The following SLC18A2 variants were observed in gnomAD, a reference collection of about 807,000 sequenced individuals.
The protein encoded by SLC18A2 is synaptic vesicular amine transporter.
SLC18A2 carries 33 observed loss-of-function variants against 59.2 expected under a neutral mutation model. The ratio of observed to expected loss-of-function variants is 0.56; its 90% CI spans 0.42 to 0.75. The LOEUF (loss-of-function observed/expected upper bound fraction) is 0.75. SLC18A2 is among the 30% of genes least tolerant of loss of function. SLC18A2 has a pLI of 0.00. For synonymous variants in SLC18A2, 228 were observed against 253.5 expected, an observed-to-expected ratio of 0.90 and a Z score of 0.95; for missense variants, 569 against 668.6, an observed-to-expected ratio of 0.85 and a Z score of 1.64.
At chr10:117,242,640 C>T (rs921748393) in intron 2 of SLC18A2, among the ~76,000 whole-genome samples, 2 of 152,204 alleles carry the variant, frequency 1.3e-5, no homozygotes, top group East Asian at 3.9e-4. Flanking sequence ...AGTTCTGCTT[C>T]GGCTCGAATG....
intron 4 of SLC18A2, 25 bp from the exon 5 acceptor site, chr10:117,254,023 G>T (rs376641753): frequency 6.2e-7 from 1 of 1,608,474 alleles, no homozygotes; most frequent in South Asian, 1.1e-5. Flanking sequence ...ACTGATGTGC[G>T]GTCTTGGACC....
At chr10:117,257,915 C>G in intron 10 of SLC18A2, 23 bp downstream of exon 10, 3 of 1,533,174 alleles carry the variant, frequency 2.0e-6, no homozygotes, top group Non-Finnish European at 2.7e-6. Context: ...GTGGGCTCTT[C>G]TGATTCAAGA....
At chr10:117,253,843 C>G (rs1844193287) in intron 4 of SLC18A2, among the ~76,000 whole-genome samples, 1 of 152,038 alleles carries the variant, frequency 6.6e-6, no homozygotes, top group Non-Finnish European at 1.5e-5. Flanking sequence ...AAGACTCCAT[C>G]TCAAAAAAAA....
At chr10:117,273,436 T>A (rs1475941402) in intron 15 of SLC18A2, among the ~76,000 whole-genome samples, 1 of 152,230 alleles carries the variant, frequency 6.6e-6, no homozygotes, top group Admixed American at 6.5e-5. Flanking sequence ...AATTTTACTC[T>A]TGAAGTTTCT....
intron 3 of SLC18A2, among the ~76,000 whole-genome samples, chr10:117,249,898 G>A (rs1313816952): frequency 1.3e-5 from 2 of 152,174 alleles, no homozygotes; most frequent in African/African-American, 2.4e-5. Context: ...TATGACATTT[G>A]GCTAAAGGTT....
In SLC18A2 at chr10:117,264,595, C is replaced by G. The variant is rs148762818; in HGVS notation, c.992-2138C>G. Reference sequence around the variant, plus strand: ...CTGCCTTCTAGATGGAGTCTGGGCCCTCTGGGTCACCACAGATCTCTCTTT... The same window carrying G: ...CTGCCTTCTAGATGGAGTCTGGGCCGTCTGGGTCACCACAGATCTCTCTTT... On this transcript the variant is annotated intron_variant, in intron 10 of 15. Transcript: ENST00000644641. Among the ~76,000 whole-genome samples the G allele has an allele frequency of 1.8e-3, 278 of 152,300 alleles. 5 individuals carry two copies. The highest frequency in any genetic ancestry group is 6.2e-3 in the African/African-American group (257 of 41,580).
Position 117,276,347 on chromosome 10 carries a change from C to T in SLC18A2, c.1441-815C>T, listed in dbSNP as rs572130258. Among the ~76,000 whole-genome samples the T allele has an allele frequency of 1.8e-4, 28 of 151,826 alleles. No homozygotes were observed. In the East Asian group the frequency reaches 1.9e-3, roughly 11 times the overall value. The stretch of plus-strand genomic sequence containing the variant: ...TCAGAACTGGCTGGGTGCAGTGGCT[C>T]GTGTCTATAGTCACAGCACTTTGGG... On this transcript the variant is annotated intron_variant, in intron 15 of 15. Coordinates refer to ENST00000644641, the MANE Select transcript of SLC18A2 (RefSeq NM_003054.6).
intron 14 of SLC18A2, 32 bp from the exon 15 acceptor site, chr10:117,270,298 A>G: frequency 6.2e-7 from 1 of 1,613,392 alleles, no homozygotes; most frequent in Non-Finnish European, 8.5e-7. Context: ...GACATTTGGA[A>G]GAGCTTTATC....
chr10:117,241,863 C>G, intron 2 of SLC18A2, 49 bp downstream of exon 2: 1 of 1,543,032 alleles, frequency 6.5e-7, no homozygotes, highest in Non-Finnish European at 8.8e-7. Context: ...CCCCAGCGCC[C>G]CTTCCCCGGC....
At chr10:117,259,537 G>A (rs1251744104) in intron 10 of SLC18A2, among the ~76,000 whole-genome samples, 2 of 152,144 alleles carry the variant, frequency 1.3e-5, no homozygotes, top group African/African-American at 2.4e-5. Context: ...GAGAGTGTGC[G>A]TGGCAGGTAA....
intron 3 of SLC18A2, among the ~76,000 whole-genome samples, chr10:117,251,990 GC>G (rs1844166680): frequency 6.6e-6 from 1 of 151,848 alleles, no homozygotes; most frequent in Non-Finnish European, 1.5e-5. Flanking sequence ...ACAGAATCTC[GC>G]TCTGTCACCC....
Position 117,279,262 on chromosome 10 carries a change from T to C in SLC18A2, c.*1996T>C, listed in dbSNP as rs1844545029. 6.6e-6 allele frequency: 1 copy of C among 152,192 alleles called. No homozygotes were observed. The highest frequency in any genetic ancestry group is 2.1e-4 in the South Asian group (1 of 4,832). The allele number at this position is 152,192 out of a possible 1,614,324, so 9.4% of individuals were successfully genotyped here. A position where few individuals can be genotyped will look rare whatever the true frequency, so the allele number is the denominator to read the frequency against. On this transcript the variant is annotated 3_prime_UTR_variant, in exon 16 of 16. Coordinates refer to ENST00000644641, the MANE Select transcript of SLC18A2 (RefSeq NM_003054.6). ...AATGTACATACCAGAACAAAGAACA[T>C]ACAGCTCTCTGAACATTTATTTTTT...
chr10:117,253,269 A>G (rs1269476173), intron 3 of SLC18A2, 130 bp from the exon 4 acceptor site: 10 of 701,474 alleles, frequency 1.4e-5, no homozygotes, highest in Non-Finnish European at 2.6e-5. Flanking sequence ...CACTGAGTAT[A>G]TGAATTTTCA....
chr10:117,256,781 G>A (rs547470520), intron 9 of SLC18A2, among the ~76,000 whole-genome samples: 5 of 152,310 alleles, frequency 3.3e-5, no homozygotes, highest in Non-Finnish European at 5.9e-5. Context: ...AGGTGGGGAC[G>A]AGGAGGTATG....
At chr10:117,275,569 C>T (rs923064818) in intron 15 of SLC18A2, among the ~76,000 whole-genome samples, 1 of 152,184 alleles carries the variant, frequency 6.6e-6, no homozygotes, top group African/African-American at 2.4e-5. Context: ...CTAACTACCA[C>T]GGAGTGCTGC....
intron 15 of SLC18A2, among the ~76,000 whole-genome samples, chr10:117,276,382 A>AG (rs1844490835): frequency 6.6e-6 from 1 of 151,780 alleles, no homozygotes; most frequent in South Asian, 2.1e-4. Context: ...GAGGCTGAGG[A>AG]GGGGGGATCA....
At chr10:117,267,466 C>A in intron 12 of SLC18A2, 1 of 466,860 alleles carries the variant, frequency 2.1e-6, no homozygotes. Flanking sequence ...ACAAGTTTTT[C>A]ATGGTGGTCA....
chr10:117,270,604 T>C (rs1216193437), intron 15 of SLC18A2, 141 bp downstream of exon 15: 2 of 876,162 alleles, frequency 2.3e-6, no homozygotes, highest in Non-Finnish European at 3.4e-6. Context: ...ATAGAGCAGT[T>C]ACTTCTTTTA....
chr10:117,274,628 T>C (rs1399169109), intron 15 of SLC18A2, among the ~76,000 whole-genome samples: 1 of 152,186 alleles, frequency 6.6e-6, no homozygotes, highest in Admixed American at 6.5e-5. Context: ...ACCTCTGTGG[T>C]GGCCAGGCTG....
Sources: allele counts gnomAD v4.1 joint callset (sites outside exome capture counted in the v4.1 genomes callset), GRCh38; gene constraint gnomAD v4.1.1; transcripts MANE v1.5; gene names NCBI Gene and HGNC (gene_info 2026-07-23, HGNC 2026-07-21).